Variants in SCMH1 observed in about 807,000 individuals in gnomAD.
The protein encoded by SCMH1 is polycomb protein SCMH1.
Under a neutral mutation model 70.8 loss-of-function variants are expected in SCMH1, and 37 were observed. That is an observed-to-expected ratio of 0.52 (90% CI 0.40 to 0.69). The LOEUF (loss-of-function observed/expected upper bound fraction) is 0.69. Ranked by LOEUF, SCMH1 falls within the 30% of genes least tolerant of loss-of-function variation. The pLI, the probability that SCMH1 is intolerant of heterozygous loss-of-function variation, is 0.00. For missense variants in SCMH1, 607 were observed against 827.3 expected (o/e 0.73, Z 3.27); for synonymous variants, 292 against 307.4 (o/e 0.95, Z 0.52).
chr1:41,229,125 G>A (rs1004340483), intron 1 of SCMH1, among the ~76,000 whole-genome samples: 1 of 152,088 alleles, frequency 6.6e-6, no homozygotes, highest in African/African-American at 2.4e-5. Context: ...AAACCCAGGG[G>A]GTGGAGGTTG....
intron 1 of SCMH1, among the ~76,000 whole-genome samples, chr1:41,239,002 A>G (rs1662950613): frequency 6.6e-6 from 1 of 152,178 alleles, no homozygotes. Context: ...ATCAATCATT[A>G]AAGCCTTATA....
intron 1 of SCMH1, among the ~76,000 whole-genome samples, chr1:41,217,292 T>C (rs540663539): frequency 2.0e-4 from 31 of 152,314 alleles, no homozygotes; most frequent in Admixed American, 4.6e-4. Flanking sequence ...AGTGATAAAC[T>C]TGGACATTTA....
intron 1 of SCMH1, among the ~76,000 whole-genome samples, chr1:41,231,083 G>T (rs1439924744): frequency 1.3e-5 from 2 of 152,194 alleles, no homozygotes; most frequent in African/African-American, 4.8e-5. Context: ...ACCATGTTAA[G>T]AGGTTGGCCG....
chr1:41,089,740 A>G (rs909673380), intron 8 of SCMH1, among the ~76,000 whole-genome samples: 1 of 135,768 alleles, frequency 7.4e-6, no homozygotes, highest in African/African-American at 2.8e-5. Context: ...TTTCTGACCT[A>G]CTTCCTACCA....
chr1:41,142,735 C>A (rs1296785902), intron 6 of SCMH1, 143 bp downstream of exon 6: 1 of 650,560 alleles, frequency 1.5e-6, no homozygotes, highest in Admixed American at 2.9e-5. Flanking sequence ...CAGCTTGTTT[C>A]ATTTTGGGTG....
intron 6 of SCMH1, among the ~76,000 whole-genome samples, chr1:41,131,558 T>C (rs1477160077): frequency 6.6e-6 from 1 of 152,232 alleles, no homozygotes; most frequent in Non-Finnish European, 1.5e-5. Flanking sequence ...TCAACTATTA[T>C]TATTTTGTAT....
At chr1:41,169,804 C>G (rs1001142649) in intron 2 of SCMH1, among the ~76,000 whole-genome samples, 2 of 152,156 alleles carry the variant, frequency 1.3e-5, no homozygotes, top group Non-Finnish European at 2.9e-5. Flanking sequence ...CTTCTGCACC[C>G]GTATAAATCT....
intron 6 of SCMH1, among the ~76,000 whole-genome samples, chr1:41,127,387 C>T (rs1194365078): frequency 6.6e-6 from 1 of 152,044 alleles, no homozygotes; most frequent in Non-Finnish European, 1.5e-5. Flanking sequence ...GATTTTGAAT[C>T]ATATTTAAAA....
Position 41,039,300 on chromosome 1 carries a change from C to T in SCMH1, c.1499-1759G>A, listed in dbSNP as rs140347873. 3.2e-4 allele frequency among the ~76,000 whole-genome samples: 48 copies of T among 152,196 alleles called. 1 individual carries two copies. In the East Asian group the frequency reaches 4.3e-3, roughly 13 times the overall value. ...TTCAGCAATGCTAAGAACACTGAGA[C>T]GTAGATTCTGAGTTGAAGGGTCTGA... On this transcript the variant is annotated intron_variant, in intron 12 of 14. Coordinates refer to ENST00000337495, the Ensembl canonical transcript of SCMH1.
At chr1:41,087,278 G>C (rs1257769679) in intron 8 of SCMH1, among the ~76,000 whole-genome samples, 1 of 152,026 alleles carries the variant, frequency 6.6e-6, no homozygotes, top group East Asian at 1.9e-4. Flanking sequence ...ATAAGTACTA[G>C]AGGAAAATAT....
intron 13 of SCMH1, among the ~76,000 whole-genome samples, chr1:41,030,406 C>T (rs1425058239): frequency 1.3e-5 from 2 of 152,118 alleles, no homozygotes; most frequent in Admixed American, 1.3e-4. Context: ...AGCCCCTGCC[C>T]GCAACTTACC....
rs1326937936 is a variant in SCMH1, at chr1:41,028,739, A to T, written c.1679-13T>A. ...TATCGGTCCGACCCTGCAGGACAGG[A>T]GGGCACCTACCATAAAGGGCGGGGA... is the stretch of plus-strand genomic sequence containing the variant. On this transcript the variant is annotated splice_polypyrimidine_tract_variant and intron_variant, in intron 13 of 14. Transcript: ENST00000337495. The T allele has an allele frequency of 2.5e-6, 4 of 1,613,448 alleles. No individual in the cohort carries two copies. The highest frequency in any genetic ancestry group is 1.7e-5 in the Admixed American group (1 of 59,980).
rs188283336 is a variant in SCMH1 at position 41,121,659 on chromosome 1, C to T, written c.413-4649G>A. ...AAATGATGACTGTCAATTTATATATCTAGCCAAAACCTCTGCTCAGGGTTT... is the reference window on the plus strand; with the variant it reads ...AAATGATGACTGTCAATTTATATATTTAGCCAAAACCTCTGCTCAGGGTTT... On this transcript the variant is annotated intron_variant, in intron 6 of 14. Transcript: ENST00000337495. 4.6e-5 allele frequency among the ~76,000 whole-genome samples: 7 copies of T among 152,246 alleles called. No individual in the cohort carries two copies. In the East Asian group the frequency reaches 1.2e-3, roughly 25 times the overall value.
intron 8 of SCMH1, among the ~76,000 whole-genome samples, chr1:41,105,752 A>G (rs990883071): frequency 6.6e-6 from 1 of 152,182 alleles, no homozygotes; most frequent in Non-Finnish European, 1.5e-5. Context: ...CTGGAATATT[A>G]TAACAGCTTG....
At chr1:41,191,472 T>C (rs926448315) in intron 1 of SCMH1, among the ~76,000 whole-genome samples, 2 of 152,250 alleles carry the variant, frequency 1.3e-5, no homozygotes, top group Non-Finnish European at 2.9e-5. Flanking sequence ...AGATTTCATA[T>C]ATTGGATTTT....
At chr1:41,089,787 C>CTTTTTTTTTTCTTTTTTTTTTT (rs1662817115) in intron 8 of SCMH1, among the ~76,000 whole-genome samples, 1 of 58,756 alleles carries the variant, frequency 1.7e-5, no homozygotes, top group Non-Finnish European at 2.9e-5. Flanking sequence ...CATGTTGTCT[C>CTTTTTTTTTTCTTTTTTTTTTT]TTTTTTTTTT....
At chr1:41,084,378 G>C (rs1253743932) in intron 8 of SCMH1, among the ~76,000 whole-genome samples, 1 of 152,206 alleles carries the variant, frequency 6.6e-6, no homozygotes, top group Non-Finnish European at 1.5e-5. Context: ...ATGAAAAAAT[G>C]CTCACCATCA....
chr1:41,231,515 C>T (rs1661290273), intron 1 of SCMH1, among the ~76,000 whole-genome samples: 1 of 152,202 alleles, frequency 6.6e-6, no homozygotes, highest in African/African-American at 2.4e-5. Flanking sequence ...ATATTTGTTA[C>T]AATTCATGAA....
At chr1:41,192,757 G>C (rs1456275591) in intron 1 of SCMH1, among the ~76,000 whole-genome samples, 1 of 152,128 alleles carries the variant, frequency 6.6e-6, no homozygotes, top group Non-Finnish European at 1.5e-5. Flanking sequence ...AAACTGAATT[G>C]GAGTGGAGCT....
Sources: gnomAD v4.1 joint callset for allele counts (sites outside exome capture counted in the v4.1 genomes callset) on GRCh38, gnomAD v4.1.1 for gene constraint, MANE v1.5 for transcripts, NCBI Gene and HGNC (gene_info 2026-07-23, HGNC 2026-07-21) for gene names.